The following TRIM65 variants were observed in gnomAD, a reference collection of about 807,000 sequenced individuals.
TRIM65 encodes the protein tripartite motif containing 65.
Under a neutral mutation model 36.1 loss-of-function variants are expected in TRIM65, and 46 were observed. That is an observed-to-expected ratio of 1.27 (90% CI 1.01 to 1.63). The LOEUF is 1.63. Among genes scored for constraint, TRIM65 ranks in the 40% most tolerant of loss-of-function variants. The probability of loss-of-function intolerance (pLI) is 0.00; values close to 1 mark genes in which losing one functional copy is unlikely to be tolerated. For synonymous variants in TRIM65, 346 were observed against 313.6 expected (o/e 1.10, Z -1.09); for missense variants, 708 against 696.6 (o/e 1.02, Z -0.18).
In TRIM65 at chr17:75,890,856, C is replaced by T. The variant is rs374109368; in HGVS notation, c.1477G>A (p.Glu493Lys). The change falls in exon 6 of 6, where the codon GAG becomes AAG. Residue 493 changes from glutamate to lysine, a missense_variant. Coordinates refer to ENST00000269383, the MANE Select transcript of TRIM65 (RefSeq NM_173547.4). ...TGGCACAGGGTCAGGGTCCTACCCTCGAGGAGCCAGAAGACGGGGGTGAGG... is the reference window on the plus strand; with the variant it reads ...TGGCACAGGGTCAGGGTCCTACCCTTGAGGAGCCAGAAGACGGGGGTGAGG... ...QPLTPVFWLLEGRTLTLCHQP... is the reference protein window; with the variant it reads ...QPLTPVFWLLKGRTLTLCHQP... 276 of 1,528,636 alleles carry T rather than the reference C, an allele frequency of 1.8e-4. No homozygotes were observed. Among genetic ancestry groups the T allele is most frequent in the Non-Finnish European group, 2.3e-4 (263 of 1,141,832 alleles). The allele number at this position is 1,528,636 out of a possible 1,614,324, so 94.7% of individuals were successfully genotyped here. A position where few individuals can be genotyped will look rare whatever the true frequency, so the allele number is the denominator to read the frequency against.
Position 75,892,756 on chromosome 17 carries a change from TG to T in TRIM65, c.508del (p.Gln170ArgfsTer30), listed in dbSNP as rs768475116. ...LELRKQSSQIQNSACILASWV... is the reference protein window; with the variant it reads ...LELRKQSSQIXNSACILASWV... ...GGCGGGCAGGCACAGGCCTCGTACCTGGATCTGGCTGCTTTGCTTGCGCAGC... is the reference window on the plus strand; with the variant it reads ...GGCGGGCAGGCACAGGCCTCGTACCTGATCTGGCTGCTTTGCTTGCGCAGC... On this transcript the variant is annotated frameshift_variant and splice_region_variant, in exon 2 of 6. Transcript: ENST00000269383. LOFTEE classifies it high-confidence loss of function. 6.2e-7 allele frequency: 1 copy of T among 1,603,308 alleles called. No homozygotes were observed. The highest frequency in any genetic ancestry group is 2.2e-5 in the East Asian group (1 of 44,872).
chr17:75,896,193 C>G (rs1300704996), intron 1 of TRIM65, among the ~76,000 whole-genome samples: 1 of 152,204 alleles, frequency 6.6e-6, no homozygotes, highest in East Asian at 1.9e-4. Context: ...GTAGATGGGA[C>G]TACAGGCGCC....
downstream of TRIM65, among the ~76,000 whole-genome samples, chr17:75,888,160 A>T (rs1157505517): frequency 7.5e-6 from 1 of 134,134 alleles, no homozygotes; most frequent in Non-Finnish European, 1.6e-5. Context: ...TGTCTCAAAA[A>T]ATATATAAAT....
At chr17:75,882,992 AC>A (rs201021617) in intron 4 of TRIM65, among the ~76,000 whole-genome samples, 14 of 149,078 alleles carry the variant, frequency 9.4e-5, no homozygotes, top group Admixed American at 2.0e-4. Context: ...AAAAAAAAAA[AC>A]AAAAACAAAA....
chr17:75,884,330 A>T (rs2065190590), downstream of TRIM65, among the ~76,000 whole-genome samples: 1 of 151,708 alleles, frequency 6.6e-6, no homozygotes, highest in Non-Finnish European at 1.5e-5. Flanking sequence ...GTGGTGGCAC[A>T]TGCCTGTAAT....
At chr17:75,894,412 A>G (rs1211217808) in intron 1 of TRIM65, among the ~76,000 whole-genome samples, 1 of 152,174 alleles carries the variant, frequency 6.6e-6, no homozygotes, top group Admixed American at 6.5e-5. Flanking sequence ...CCTCGTACTG[A>G]GCCTCTGATC....
chr17:75,887,518 G>C (rs573249005), downstream of TRIM65, among the ~76,000 whole-genome samples: 2 of 151,924 alleles, frequency 1.3e-5, no homozygotes, highest in African/African-American at 4.8e-5. Context: ...ATGGTGGCGG[G>C]TGCCTGTAGT....
intron 1 of TRIM65, among the ~76,000 whole-genome samples, chr17:75,893,674 C>T (rs2065305115): frequency 1.3e-5 from 2 of 152,138 alleles, no homozygotes; most frequent in African/African-American, 4.8e-5. Context: ...TGGTCAAAGT[C>T]CTCAGATCTT....
At chr17:75,891,737 A>C (rs2144060714) in intron 5 of TRIM65, 76 bp downstream of exon 5, 1 of 996,556 alleles carries the variant, frequency 1.0e-6, no homozygotes, top group Non-Finnish European at 1.4e-6. Context: ...GCACACACAC[A>C]CGTGCTCACA....
chr17:75,883,740 C>G (rs965491340), intron 4 of TRIM65, among the ~76,000 whole-genome samples: 3 of 151,630 alleles, frequency 2.0e-5, no homozygotes, highest in South Asian at 4.2e-4. Flanking sequence ...TGTTAGCCAG[C>G]ATGGTCTTGA....
At chr17:75,894,957 C>A (rs1308296426) in intron 1 of TRIM65, among the ~76,000 whole-genome samples, 1 of 152,246 alleles carries the variant, frequency 6.6e-6, no homozygotes, top group African/African-American at 2.4e-5. Context: ...AGAGCTCCAG[C>A]AGCTGCCCGG....
rs140315342 is a variant in TRIM65 at position 75,892,799 on chromosome 17, C to A, written c.466G>T (p.Glu156Ter). Residue 156 changes from glutamate (E) to a stop codon, truncating the protein, a stop_gained, in exon 2 of 6, where the codon GAA (glutamate) becomes TAA (stop). Coordinates refer to ENST00000269383, the MANE Select transcript of TRIM65 (RefSeq NM_173547.4). LOFTEE classifies it high-confidence loss of function. ...TTGCGCAGCTCTAGTAGCTGGCCTT[C>A]GGCCTGGGTGGCCTGCTGCTGGGTA... ...EVTQQQATQAEGQLLELRKQS... is the reference protein window; with the variant it reads ...EVTQQQATQA The A allele has an allele frequency of 6.2e-7, 1 of 1,604,384 alleles. No homozygotes were observed. Among genetic ancestry groups the A allele is most frequent in the Non-Finnish European group, 8.5e-7 (1 of 1,179,902 alleles).
At chr17:75,888,400 G>A (rs2144030339), downstream of TRIM65, among the ~76,000 whole-genome samples, 2 of 150,382 alleles carry the variant, frequency 1.3e-5, no homozygotes, top group South Asian at 2.1e-4. Flanking sequence ...TAATAATATA[G>A]AACACGCTCG....
chr17:75,891,950 C>G (rs938697911), intron 4 of TRIM65, 61 bp downstream of exon 4: 1 of 1,561,680 alleles, frequency 6.4e-7, no homozygotes, highest in East Asian at 2.4e-5. Flanking sequence ...CGCCTCCACC[C>G]CCCCAGCGGG....
chr17:75,885,405 T>C (rs530029650), downstream of TRIM65, among the ~76,000 whole-genome samples: 1 of 152,240 alleles, frequency 6.6e-6, no homozygotes, highest in East Asian at 1.9e-4. Context: ...GCCTCCCAAG[T>C]AGCTGGGACC....
At chr17:75,893,871 C>T (rs2065308122) in intron 1 of TRIM65, among the ~76,000 whole-genome samples, 1 of 152,100 alleles carries the variant, frequency 6.6e-6, no homozygotes, top group Admixed American at 6.5e-5. Flanking sequence ...TCGCTCCCTT[C>T]CTCCACATGG....
intron 4 of TRIM65, among the ~76,000 whole-genome samples, chr17:75,882,659 C>T (rs2065175577): frequency 6.6e-6 from 1 of 150,762 alleles, no homozygotes; most frequent in South Asian, 2.1e-4. Context: ...CTCATTCTGT[C>T]TGTCCAAGGA....
In TRIM65 at chr17:75,891,437, C is replaced by A. The variant is rs553739457; in HGVS notation, c.986-90G>T. On this transcript the variant is annotated intron_variant, in intron 5 of 5. Transcript: ENST00000269383. ...CGCTGCTAAACCTCCGCCAGGCACGCTGAGCACCGGCCGTCACCATAGCAC... is the reference window on the plus strand; with the variant it reads ...CGCTGCTAAACCTCCGCCAGGCACGATGAGCACCGGCCGTCACCATAGCAC... The A allele has an allele frequency of 3.6e-6, 5 of 1,384,354 alleles. No homozygotes were observed. In the South Asian group the frequency reaches 6.0e-5, roughly 17 times the overall value. The allele number at this position is 1,384,354 out of a possible 1,614,324, so 85.8% of individuals were successfully genotyped here. A position where few individuals can be genotyped will look rare whatever the true frequency, so the allele number is the denominator to read the frequency against.
At chr17:75,895,785 C>G (rs1284036628) in intron 1 of TRIM65, among the ~76,000 whole-genome samples, 4 of 152,220 alleles carry the variant, frequency 2.6e-5, no homozygotes, top group Admixed American at 2.0e-4. Context: ...TAAGTGGATT[C>G]TAAGTCTCTT....
Sources: allele counts gnomAD v4.1 joint callset (sites outside exome capture counted in the v4.1 genomes callset), GRCh38; gene constraint gnomAD v4.1.1; transcripts MANE v1.5; gene names NCBI Gene and HGNC (gene_info 2026-07-23, HGNC 2026-07-21).